PTGER3: variants seen among roughly 807,000 people sequenced by gnomAD.
PTGER3 encodes the protein prostaglandin E receptor 3.
A neutral mutation model predicts 34.7 loss-of-function variants in PTGER3; 22 were observed. That is an observed-to-expected ratio of 0.63 (90% confidence interval 0.45 to 0.91). The LOEUF (loss-of-function observed/expected upper bound fraction) is 0.91, where lower values mean the gene tolerates loss of function less well. PTGER3 is among the 40% of genes least tolerant of loss of function. The probability of loss-of-function intolerance (pLI) is 0.00; values close to 1 mark genes in which losing one functional copy is unlikely to be tolerated. For synonymous variants in PTGER3, 241 were observed against 230.1 expected (o/e 1.05, Z -0.43); for missense variants, 468 against 519.4 (o/e 0.90, Z 0.96).
rs775872316 is a variant in PTGER3 at position 71,046,912 on chromosome 1, C to G, written c.666G>C (p.Ser222=). Residue 222 remains serine (S), a synonymous_variant, in exon 1 of 4, where the codon TCG becomes TCC. Coordinates refer to ENST00000306666, the MANE Select transcript of PTGER3 (RefSeq NM_198719.2). ...CGAAGAAAAGGTTGCCCCAGTTATG[C>G]GAAGAGCTAGTCCCGTTGCCCCCTC... The part of the protein sequence containing the change: ...TGRGGNGTSS[S]HNWGNLFFAS... 142 of 1,611,032 alleles carry G rather than the reference C, an allele frequency of 8.8e-5. No homozygotes were observed. The highest frequency in any genetic ancestry group is 1.1e-4 in the Non-Finnish European group (134 of 1,178,702).
At chr1:71,028,787 T>C (rs1264044987) in intron 1 of PTGER3, among the ~76,000 whole-genome samples, 3 of 152,200 alleles carry the variant, frequency 2.0e-5, no homozygotes, top group African/African-American at 7.2e-5. Context: ...ACCCTAAAGG[T>C]ATGTTTAAAT....
chr1:70,999,767 A>T (rs961742226), intron 2 of PTGER3, among the ~76,000 whole-genome samples: 1 of 152,200 alleles, frequency 6.6e-6, no homozygotes, highest in African/African-American at 2.4e-5. Flanking sequence ...GCCAAAAGAG[A>T]TGTATTCTTA....
intron 1 of PTGER3, among the ~76,000 whole-genome samples, chr1:71,041,553 C>A (rs1200913724): frequency 1.3e-5 from 2 of 152,092 alleles, no homozygotes; most frequent in Admixed American, 1.3e-4. Flanking sequence ...AAGAGGAACC[C>A]CCCCAAAATG....
intron 1 of PTGER3, among the ~76,000 whole-genome samples, chr1:71,044,301 G>T (rs933753304): frequency 1.3e-5 from 2 of 151,314 alleles, no homozygotes; most frequent in Non-Finnish European, 2.9e-5. Flanking sequence ...GCCAGGTGTG[G>T]TGGCGGGCGC....
At chr1:70,877,251 G>C (rs1210965072) in intron 4 of PTGER3, among the ~76,000 whole-genome samples, 1 of 152,088 alleles carries the variant, frequency 6.6e-6, no homozygotes, top group African/African-American at 2.4e-5. Context: ...TTGGCTCTCA[G>C]CTTGGACATT....
At chr1:70,903,761 C>T (rs17541597) in intron 4 of PTGER3, among the ~76,000 whole-genome samples, 4 of 151,910 alleles carry the variant, frequency 2.6e-5, no homozygotes, top group East Asian at 1.9e-4. Flanking sequence ...ATCACAATTA[C>T]GGTATTCTAA....
intron 4 of PTGER3, among the ~76,000 whole-genome samples, chr1:70,853,021 T>G (rs1219240724): frequency 6.6e-6 from 1 of 152,212 alleles, no homozygotes; most frequent in Non-Finnish European, 1.5e-5. Flanking sequence ...AACGAAGTTG[T>G]GTGACAGTAA....
At chr1:70,913,398 T>C (rs7553141) in intron 4 of PTGER3, among the ~76,000 whole-genome samples, 43,486 of 151,784 alleles carry the variant, frequency 0.29, 6,579 homozygotes, top group Middle Eastern at 0.38. Flanking sequence ...TTTTTAAAAA[T>C]TCTTGAGGAC....
intron 4 of PTGER3, among the ~76,000 whole-genome samples, chr1:70,857,692 G>A (rs1645839837): frequency 6.6e-6 from 1 of 151,788 alleles, no homozygotes; most frequent in African/African-American, 2.4e-5. Context: ...CCGCCACCAC[G>A]CCCGGCTAAT....
intron 4 of PTGER3, among the ~76,000 whole-genome samples, chr1:70,855,676 G>T (rs1391432039): frequency 6.6e-6 from 1 of 152,070 alleles, no homozygotes; most frequent in Non-Finnish European, 1.5e-5. Context: ...ATTAATATCT[G>T]TTCATTCAGG....
At chr1:70,925,926 G>A (rs545380449) in intron 4 of PTGER3, among the ~76,000 whole-genome samples, 1 of 152,224 alleles carries the variant, frequency 6.6e-6, no homozygotes, top group South Asian at 2.1e-4. Context: ...AAAAAAGAGT[G>A]AATGTAAGTA....
chr1:71,012,053 T>C, intron 2 of PTGER3: 2 of 1,438,134 alleles, frequency 1.4e-6, no homozygotes, highest in Non-Finnish European at 1.8e-6. Context: ...TCACTACTTT[T>C]GGCACATAGG....
At chr1:70,895,258 A>G (rs1228810556) in intron 4 of PTGER3, among the ~76,000 whole-genome samples, 1 of 152,224 alleles carries the variant, frequency 6.6e-6, no homozygotes, top group Non-Finnish European at 1.5e-5. Flanking sequence ...CTCTTTGTGT[A>G]TCAGGATCTC....
intron 4 of PTGER3, among the ~76,000 whole-genome samples, chr1:70,897,966 C>T (rs1646757217): frequency 6.6e-6 from 1 of 151,866 alleles, no homozygotes; most frequent in East Asian, 1.9e-4. Context: ...TTGAACATAT[C>T]ACTTAATGTA....
At chr1:71,022,427 A>T (rs970970810) in intron 1 of PTGER3, among the ~76,000 whole-genome samples, 2 of 151,986 alleles carry the variant, frequency 1.3e-5, no homozygotes, top group South Asian at 4.1e-4. Context: ...TACAGACATG[A>T]CATACAAAAG....
chr1:70,976,855 A>G (rs1466716145), intron 2 of PTGER3, among the ~76,000 whole-genome samples: 1 of 152,110 alleles, frequency 6.6e-6, no homozygotes, highest in Non-Finnish European at 1.5e-5. Context: ...TTGCAGCCAT[A>G]AAGATTTTCC....
intron 2 of PTGER3, 94 bp downstream of exon 2, chr1:71,012,211 T>G: frequency 6.2e-7 from 1 of 1,607,652 alleles, no homozygotes; most frequent in Non-Finnish European, 8.5e-7. Flanking sequence ...TTAAGTGTTT[T>G]CTTTCATGCT....
chr1:70,967,897 A>C (rs1652690795), downstream of PTGER3, among the ~76,000 whole-genome samples: 2 of 152,124 alleles, frequency 1.3e-5, no homozygotes, highest in South Asian at 4.1e-4. Context: ...TTATTATGTA[A>C]AAGATAATGA....
At chr1:70,959,054 A>G (rs1488597875) in intron 2 of PTGER3, among the ~76,000 whole-genome samples, 1 of 152,176 alleles carries the variant, frequency 6.6e-6, no homozygotes, top group Non-Finnish European at 1.5e-5. Context: ...TGCCAGTATT[A>G]TTCTGTGTTG....
Sources: allele counts gnomAD v4.1 joint callset (sites outside exome capture counted in the v4.1 genomes callset), GRCh38; gene constraint gnomAD v4.1.1; transcripts MANE v1.5; gene names NCBI Gene and HGNC (gene_info 2026-07-23, HGNC 2026-07-21).